The following PAK5 variants were observed in gnomAD, a reference collection of about 807,000 sequenced individuals.
PAK5 encodes the protein p21 (RAC1) activated kinase 5, also known as serine/threonine-protein kinase PAK 5.
Under a neutral mutation model 65.9 loss-of-function variants are expected in PAK5, and 16 were observed. The ratio of observed to expected loss-of-function variants is 0.24; its 90% confidence interval spans 0.16 to 0.37. The LOEUF (loss-of-function observed/expected upper bound fraction) is 0.37, where lower values mean the gene tolerates loss of function less well. Ranked by LOEUF, PAK5 falls within the 10% of genes least tolerant of loss-of-function variation. PAK5 has a pLI of 1.00. For missense variants in PAK5, 785 were observed against 903.9 expected (o/e 0.87, Z 1.69); for synonymous variants, 371 against 354.9 (o/e 1.05, Z -0.51).
chr20:9,618,459 T>A (rs940963794), intron 3 of PAK5, among the ~76,000 whole-genome samples: 13 of 143,850 alleles, frequency 9.0e-5, no homozygotes, highest in African/African-American at 3.4e-4. Context: ...CAGGCTGGAG[T>A]GTAATGGCAC....
intron 2 of PAK5, among the ~76,000 whole-genome samples, chr20:9,650,967 A>C (rs549289297): frequency 6.6e-6 from 1 of 152,344 alleles, no homozygotes; most frequent in South Asian, 2.1e-4. Flanking sequence ...TCAAAAAAGC[A>C]AGATGGGCAT....
At chr20:9,802,052 A>G (rs1176515060) in intron 1 of PAK5, among the ~76,000 whole-genome samples, 1 of 152,198 alleles carries the variant, frequency 6.6e-6, no homozygotes, top group Non-Finnish European at 1.5e-5. Flanking sequence ...AATGCTTCTT[A>G]GGACAGTCAG....
At chr20:9,702,402 T>TG (rs1367012306) in intron 2 of PAK5, among the ~76,000 whole-genome samples, 5 of 152,200 alleles carry the variant, frequency 3.3e-5, no homozygotes, top group Non-Finnish European at 7.3e-5. Flanking sequence ...TGAGGAGCTT[T>TG]GGTCACCCAG....
intron 7 of PAK5, among the ~76,000 whole-genome samples, chr20:9,555,987 G>A (rs1190833434): frequency 6.6e-6 from 1 of 152,220 alleles, no homozygotes; most frequent in Admixed American, 6.5e-5. Context: ...GCAAGAGGGA[G>A]CTCAGCTGAT....
intron 2 of PAK5, among the ~76,000 whole-genome samples, chr20:9,652,727 G>A (rs2047217659): frequency 6.6e-6 from 1 of 152,194 alleles, no homozygotes. Flanking sequence ...CTCAACAGGT[G>A]TAGAAACAGC....
chr20:9,766,551 T>A (rs1280064634), intron 1 of PAK5, among the ~76,000 whole-genome samples: 2 of 129,662 alleles, frequency 1.5e-5, no homozygotes, highest in Non-Finnish European at 3.2e-5. Flanking sequence ...ATATATATAT[T>A]TTCAAGCAGA....
chr20:9,700,447 C>CA (rs1251595476), intron 2 of PAK5, among the ~76,000 whole-genome samples: 5 of 152,096 alleles, frequency 3.3e-5, no homozygotes, highest in Non-Finnish European at 7.4e-5. Flanking sequence ...CACAGCATTC[C>CA]ACTGAATGAA....
intron 1 of PAK5, among the ~76,000 whole-genome samples, chr20:9,745,954 C>G (rs574100108): frequency 4.6e-5 from 7 of 151,846 alleles, no homozygotes; most frequent in Non-Finnish European, 7.4e-5. Flanking sequence ...GCTTTTTCTC[C>G]CCTAAAAATC....
chr20:9,539,527 A>C lies in PAK5; in HGVS notation c.2095T>G (p.Phe699Val), dbSNP rs2045224988. ...GACGGTGGACCTGCTAGTTTTAAGA[A>C]TGGATGTCCGAGGAGTTCCTGGGCT... ...ATAQELLGHP[F>V]LKLAGPPSCI... Residue 699 changes from phenylalanine to valine, a missense_variant, in exon 10 of 10, where the codon TTC becomes GTC. Phe to Val is a conservative substitution (Grantham distance 50). This residue lies in a region of PAK5 where 110 missense variants were observed against 107.4 expected (regional missense o/e 1.02). Coordinates refer to ENST00000353224, the MANE Select transcript of PAK5 (RefSeq NM_177990.4). 6.2e-7 allele frequency: 1 copy of C among 1,613,842 alleles called. No homozygotes were observed. Among genetic ancestry groups the C allele is most frequent in the Non-Finnish European group, 8.5e-7 (1 of 1,179,926 alleles).
chr20:9,837,411 T>C (rs969581803), intron 1 of PAK5, among the ~76,000 whole-genome samples: 20 of 152,352 alleles, frequency 1.3e-4, no homozygotes, highest in African/African-American at 4.8e-4. Context: ...AAACTTCATA[T>C]GCTAAGATGC....
chr20:9,657,206 TATA>T (rs2047280318), intron 2 of PAK5, among the ~76,000 whole-genome samples: 1 of 152,198 alleles, frequency 6.6e-6, no homozygotes, highest in Non-Finnish European at 1.5e-5. Flanking sequence ...TCCACAAATA[TATA>T]ATATTGAGAC....
chr20:9,831,759 C>T (rs111755176), intron 1 of PAK5, among the ~76,000 whole-genome samples: 193 of 152,296 alleles, frequency 1.3e-3, no homozygotes, highest in Admixed American at 3.7e-3. Flanking sequence ...CCACCCACCT[C>T]GAGTTCCCAA....
chr20:9,717,683 C>A (rs1190375593), intron 1 of PAK5, among the ~76,000 whole-genome samples: 2 of 152,142 alleles, frequency 1.3e-5, no homozygotes, highest in Non-Finnish European at 2.9e-5. Context: ...GCAGTGGCAC[C>A]ATCTTGGCTC....
At chr20:9,632,744 T>C (rs1235237467) in intron 3 of PAK5, among the ~76,000 whole-genome samples, 1 of 152,224 alleles carries the variant, frequency 6.6e-6, no homozygotes, top group African/African-American at 2.4e-5. Context: ...TGAGTCTTAG[T>C]TACACAATCT....
At chr20:9,705,003 A>G (rs1440026228) in intron 2 of PAK5, among the ~76,000 whole-genome samples, 3 of 152,198 alleles carry the variant, frequency 2.0e-5, no homozygotes, top group Non-Finnish European at 4.4e-5. Flanking sequence ...CTGGGGAAAC[A>G]TTTGGCAAGA....
chr20:9,547,053 GA>G (rs2045356371), intron 7 of PAK5, among the ~76,000 whole-genome samples: 1 of 152,098 alleles, frequency 6.6e-6, no homozygotes, highest in Non-Finnish European at 1.5e-5. Context: ...TTGGATTGGG[GA>G]CAGGCCCTAA....
intron 1 of PAK5, among the ~76,000 whole-genome samples, chr20:9,721,592 G>T (rs1165336782): frequency 1.4e-5 from 2 of 143,262 alleles, no homozygotes; most frequent in Non-Finnish European, 3.0e-5. Flanking sequence ...GGAGGAGGTT[G>T]CAGTGAGTTA....
chr20:9,586,376 T>G (rs2046069900), intron 3 of PAK5, among the ~76,000 whole-genome samples: 1 of 152,192 alleles, frequency 6.6e-6, no homozygotes, highest in African/African-American at 2.4e-5. Context: ...TCCAATTTGA[T>G]TAATGAGTTG....
At chr20:9,572,064 G>GTT (rs35823620) in intron 4 of PAK5, among the ~76,000 whole-genome samples, 47 of 133,148 alleles carry the variant, frequency 3.5e-4, no homozygotes, top group African/African-American at 1.0e-3. Flanking sequence ...CAAATTAAGG[G>GTT]TTTTTTTTTT....
Sources: allele counts gnomAD v4.1 joint callset (sites outside exome capture counted in the v4.1 genomes callset), GRCh38; gene constraint gnomAD v4.1.1; regional missense constraint gnomAD v4.1.1; transcripts MANE v1.5; gene names NCBI Gene and HGNC (gene_info 2026-07-23, HGNC 2026-07-21).